Variants in ZFHX3 observed in about 807,000 individuals in gnomAD.
ZFHX3 encodes zinc finger homeobox 3, also known as zinc finger homeobox protein 3.
A neutral mutation model predicts 279.1 loss-of-function variants in ZFHX3; 42 were observed. That is an observed-to-expected ratio of 0.15 (90% confidence interval 0.12 to 0.19). The LOEUF is 0.19. Ranked by LOEUF, ZFHX3 falls within the 10% of genes least tolerant of loss-of-function variation. The pLI, the probability that ZFHX3 is intolerant of heterozygous loss-of-function variation, is 1.00. For missense variants in ZFHX3, 4,981 were observed against 4,754.0 expected (o/e 1.05, Z -1.40); for synonymous variants, 2,293 against 1,957.8 (o/e 1.17, Z -4.52).
At chr16:73,868,985 C>G (rs1205228852) in intron 1 of ZFHX3, among the ~76,000 whole-genome samples, 1 of 152,088 alleles carries the variant, frequency 6.6e-6, no homozygotes, top group Non-Finnish European at 1.5e-5. Context: ...TTGTCCCCTT[C>G]AAAAATGGTC....
rs1248480276 is a variant in ZFHX3 at position 73,608,202 on chromosome 16, C to G, written c.-1547+71978G>C. 2.0e-5 allele frequency among the ~76,000 whole-genome samples: 3 copies of G among 152,148 alleles called. No homozygotes were observed. In the East Asian group the frequency reaches 5.8e-4, roughly 29 times the overall value. ...GAATGTGTGGAAATTGGCTTTAAGC[C>G]CCAGAGCACTTCTTTGTCCACAAAC... On this transcript the variant is annotated intron_variant, in intron 2 of 17. Transcript: ENST00000641206.
intron 1 of ZFHX3, among the ~76,000 whole-genome samples, chr16:72,963,729 C>A (rs1267239973): frequency 6.6e-6 from 1 of 152,166 alleles, no homozygotes; most frequent in Non-Finnish European, 1.5e-5. Flanking sequence ...ACAGTTTTAT[C>A]CTGTTCCCTT....
chr16:73,456,747 C>G, intron 2 of ZFHX3, among the ~76,000 whole-genome samples: 1 of 152,190 alleles, frequency 6.6e-6, no homozygotes. Flanking sequence ...CCAGATGCAC[C>G]TTCTATCGGG....
At chr16:73,844,618 G>T (rs949395821) in intron 1 of ZFHX3, among the ~76,000 whole-genome samples, 1 of 151,986 alleles carries the variant, frequency 6.6e-6, no homozygotes. Context: ...GGGATGGGGG[G>T]ATGGGAAGAT....
In ZFHX3 at chr16:72,793,905, G is replaced by A. The variant is rs2035801205; in HGVS notation, c.8777C>T (p.Pro2926Leu). Residue 2926 changes from proline to leucine, a missense_variant, in exon 9 of 10, where the codon CCG (proline) becomes CTG (leucine). Coordinates refer to ENST00000268489, the MANE Select transcript of ZFHX3 (RefSeq NM_006885.4). This position sits in a 1 kb window ranked among gnomAD's most constrained non-coding sequence, Gnocchi z 4.3. The stretch of plus-strand genomic sequence containing the variant: ...TGCAGATCCACTCGCACCAGGACTC[G>A]GGGAGCAGGGATCTGCAAGGCTTGA... Reference protein sequence around the residue: ...ETSSLADPCSPSPGASGSAGK... With the variant: ...ETSSLADPCSLSPGASGSAGK... The A allele has an allele frequency of 1.2e-6, 2 of 1,614,202 alleles. No individual in the cohort carries two copies. The highest frequency in any genetic ancestry group is 1.7e-6 in the Non-Finnish European group (2 of 1,180,050).
rs145718769 is a variant in ZFHX3, at chr16:73,880,326, C to T, written c.-1608+11325G>A. On this transcript the variant is annotated intron_variant, in intron 1 of 17. Coordinates refer to the ZFHX3 transcript ENST00000641206. ...TCAAAGTGTTTAAATTAAGGGGCTT[C>T]ACTATTCAAAGGCAAATAATAAACT... Among the ~76,000 whole-genome samples the T allele has an allele frequency of 2.6e-3, 391 of 152,132 alleles. 1 individual carries two copies. Among genetic ancestry groups the T allele is most frequent in the African/African-American group, 8.9e-3 (369 of 41,460 alleles).
intron 1 of ZFHX3, among the ~76,000 whole-genome samples, chr16:73,711,763 T>C (rs2053365417): frequency 6.6e-6 from 1 of 152,238 alleles, no homozygotes; most frequent in Non-Finnish European, 1.5e-5. Flanking sequence ...AAAGATGGAT[T>C]AGGTGTGTCA....
intron 1 of ZFHX3, among the ~76,000 whole-genome samples, chr16:73,682,918 G>GAGAGAA (rs1567550618): frequency 0.021 from 818 of 39,360 alleles, 70 homozygotes; most frequent in African/African-American, 0.063. Context: ...GAAAGAAAGA[G>GAGAGAA]AGAAAGAGAA....
Position 72,940,573 on chromosome 16 carries a change from G to C in ZFHX3, c.3216+9896C>G, listed in dbSNP as rs75832282. On this transcript the variant is annotated intron_variant, in intron 3 of 9. Transcript: ENST00000268489. Reference sequence around the variant, plus strand: ...ACAGAGGTCAGCTCAGAAGGGGTTAGAAAGGTCCAGTCATCCTCCAGGAAG... The same window carrying C: ...ACAGAGGTCAGCTCAGAAGGGGTTACAAAGGTCCAGTCATCCTCCAGGAAG... Among the ~76,000 whole-genome samples the C allele has an allele frequency of 1.0e-2, 1,516 of 152,250 alleles. 43 individuals carry two copies. Among genetic ancestry groups the C allele is most frequent in the East Asian group, 0.037 (193 of 5,164 alleles).
chr16:73,804,075 T>G (rs1236753068), intron 1 of ZFHX3, among the ~76,000 whole-genome samples: 2 of 152,172 alleles, frequency 1.3e-5, no homozygotes, highest in Non-Finnish European at 2.9e-5. Context: ...GAAGATCACT[T>G]TAGCCTGGGA....
intron 3 of ZFHX3, among the ~76,000 whole-genome samples, chr16:72,941,718 G>A (rs1960418102): frequency 6.6e-6 from 1 of 152,082 alleles, no homozygotes; most frequent in Admixed American, 6.6e-5. Flanking sequence ...TCACATCACT[G>A]AGAATTCCAC....
chr16:73,118,465 C>T (rs543604915), intron 7 of ZFHX3, among the ~76,000 whole-genome samples: 2 of 152,212 alleles, frequency 1.3e-5, no homozygotes, highest in South Asian at 2.1e-4. Flanking sequence ...TGCCCCGCCT[C>T]CCAAAGTGCT....
intron 1 of ZFHX3, among the ~76,000 whole-genome samples, chr16:73,749,653 C>T (rs745716402): frequency 6.6e-6 from 1 of 152,154 alleles, no homozygotes; most frequent in Admixed American, 6.5e-5. Context: ...CTACGTATAA[C>T]TGTGTTGGAG....
At chr16:73,006,639 A>G (rs1357906970) in intron 1 of ZFHX3, among the ~76,000 whole-genome samples, 1 of 151,614 alleles carries the variant, frequency 6.6e-6, no homozygotes, top group Admixed American at 6.6e-5. Flanking sequence ...AAGAAAAAAA[A>G]GAAAGAAACG....
At chr16:73,562,706 T>A (rs879537153) in intron 2 of ZFHX3, among the ~76,000 whole-genome samples, 51 of 148,052 alleles carry the variant, frequency 3.4e-4, no homozygotes, top group Admixed American at 6.1e-4. Context: ...TAAAATGACA[T>A]TGAGAGGGTC....
chr16:73,727,885 G>A (rs978924036), intron 1 of ZFHX3, among the ~76,000 whole-genome samples: 15 of 152,104 alleles, frequency 9.9e-5, no homozygotes, highest in Non-Finnish European at 1.8e-4. Context: ...GGACTCATGA[G>A]AGAAAAGCTA....
chr16:73,858,801 T>C (rs1259567708), intron 1 of ZFHX3, among the ~76,000 whole-genome samples: 3 of 152,160 alleles, frequency 2.0e-5, no homozygotes, highest in African/African-American at 7.2e-5. Context: ...GATGATGGGA[T>C]TCTTAGCACC....
intron 1 of ZFHX3, among the ~76,000 whole-genome samples, chr16:72,970,166 G>A (rs1379654824): frequency 2.0e-5 from 3 of 151,980 alleles, no homozygotes; most frequent in Middle Eastern, 3.4e-3. Flanking sequence ...AGCGGAGGCA[G>A]GTCTAGGAAC....
intron 3 of ZFHX3, among the ~76,000 whole-genome samples, chr16:73,399,818 T>TGTGTGGA (rs2017210428): frequency 1.5e-5 from 2 of 134,456 alleles, no homozygotes; most frequent in African/African-American, 5.8e-5. Context: ...GTGTGTGTGG[T>TGTGTGGA]GTGTGGAGTG....
Sources: gnomAD v4.1 joint callset for allele counts (sites outside exome capture counted in the v4.1 genomes callset) on GRCh38, gnomAD v4.1.1 for gene constraint, Gnocchi (gnomAD v3.1) non-coding constraint, MANE v1.5 for transcripts, NCBI Gene and HGNC (gene_info 2026-07-23, HGNC 2026-07-21) for gene names.